RSRP1: variants seen among roughly 807,000 people sequenced by gnomAD.
The protein encoded by RSRP1 is arginine and serine rich protein 1.
In RSRP1, 37 loss-of-function variants were observed where a neutral mutation model predicts 33.0. The ratio of observed to expected loss-of-function variants is 1.12; its 90% confidence interval spans 0.86 to 1.48. The LOEUF is 1.48. RSRP1 is among the 40% of genes most tolerant of loss of function. RSRP1 has a pLI of 0.00. For synonymous variants in RSRP1, 167 were observed against 158.7 expected (o/e 1.05, Z -0.40); for missense variants, 402 against 385.3 (o/e 1.04, Z -0.36).
At chr1:25,262,924 A>C (rs1044991310) in intron 1 of RSRP1, among the ~76,000 whole-genome samples, 2 of 152,198 alleles carry the variant, frequency 1.3e-5, no homozygotes, top group African/African-American at 4.8e-5. Flanking sequence ...ACACACTAAC[A>C]AATAATGCCT....
At chr1:25,316,622 A>C (rs1371213282) in intron 1 of RSRP1, among the ~76,000 whole-genome samples, 1 of 116,650 alleles carries the variant, frequency 8.6e-6, no homozygotes, top group African/African-American at 2.9e-5. Context: ...AAAACAGAAA[A>C]AAAAAAAAAA....
chr1:25,246,946 G>T lies in RSRP1; in HGVS notation c.18C>A (p.Asn6Lys). The change falls in exon 2 of 5, where the codon AAC (asparagine) becomes AAA (lysine). Residue 6 changes from asparagine (N) to lysine (K), a missense_variant. Asn to Lys is a moderately conservative substitution (Grantham distance 94). Coordinates refer to ENST00000243189, the MANE Select transcript of RSRP1 (RefSeq NM_020317.5). Reference protein sequence around the residue: MSNYVNDMWPGSPQEK... With the variant: MSNYVKDMWPGSPQEK... Reference sequence around the variant, plus strand: ...CCTGCGGCGAGCCCGGCCACATGTCGTTCACGTAGTTGGACATCTTCACCT... The same window carrying T: ...CCTGCGGCGAGCCCGGCCACATGTCTTTCACGTAGTTGGACATCTTCACCT... 1.3e-6 allele frequency: 2 copies of T among 1,582,206 alleles called. No homozygotes were observed. The highest frequency in any genetic ancestry group is 1.7e-6 in the Non-Finnish European group (2 of 1,160,670).
rs1388745324 is a variant in RSRP1 at position 25,287,466 on chromosome 1, C to T, written c.-66-40437G>A. 3.7e-5 allele frequency among the ~76,000 whole-genome samples: 5 copies of T among 135,272 alleles called. No homozygotes were observed. In the East Asian group the frequency reaches 9.7e-4, roughly 26 times the overall value. 88.7% of individuals were successfully genotyped at this position (135,272 alleles called of 152,430 possible). On this transcript the variant is annotated intron_variant, in intron 1 of 1. Coordinates refer to the RSRP1 transcript ENST00000561867. Reference sequence around the variant, plus strand: ...GACCCCTGCTGAAACTGGCTCCTTCCTGACCGGTTCCCGTCAGGGCTGTGC... The same window carrying T: ...GACCCCTGCTGAAACTGGCTCCTTCTTGACCGGTTCCCGTCAGGGCTGTGC...
chr1:25,258,255 G>C (rs980685855), intron 1 of RSRP1, among the ~76,000 whole-genome samples: 1 of 152,116 alleles, frequency 6.6e-6, no homozygotes, highest in South Asian at 2.1e-4. Flanking sequence ...ATCTCGGCTC[G>C]CTGCAACATC....
rs1258509781 is a variant in RSRP1 at position 25,331,360 on chromosome 1, A to G, written c.-67+6618T>C. ...TAACTATTATTTCTTTAAAGCACCT[A>G]TTTCCAAATATAGTCACTTTAGGGG... is the stretch of plus-strand genomic sequence containing the variant. On this transcript the variant is annotated intron_variant, in intron 1 of 1. Coordinates refer to the RSRP1 transcript ENST00000561867. Among the ~76,000 whole-genome samples the G allele has an allele frequency of 2.3e-5, 3 of 131,096 alleles. 1 individual carries two copies. In the South Asian group the frequency reaches 6.9e-4, roughly 30 times the overall value. The allele number at this position is 131,096 out of a possible 152,430, so 86.0% of individuals were successfully genotyped here. A position where few individuals can be genotyped will look rare whatever the true frequency, so the allele number is the denominator to read the frequency against.
chr1:25,255,469 G>A (rs984188758), intron 1 of RSRP1, among the ~76,000 whole-genome samples: 3 of 152,098 alleles, frequency 2.0e-5, no homozygotes, highest in Non-Finnish European at 4.4e-5. Flanking sequence ...ATGCAATGAA[G>A]CCATTATTTT....
chr1:25,246,718 C>T lies in RSRP1; in HGVS notation c.246G>A (p.Ser82=). Residue 82 remains serine, a synonymous_variant, in exon 2 of 5, where the codon TCG becomes TCA. Transcript: ENST00000243189. ...RKYRRYSRSY[S]RSRSRSRSRR... ...GGCTGCGGGATCGCGACCGGCTCCG[C>T]GAGTATGACCGCGAGTAGCGCCTGT... 6.2e-7 allele frequency: 1 copy of T among 1,607,348 alleles called. No individual in the cohort carries two copies. Among genetic ancestry groups the T allele is most frequent in the Non-Finnish European group, 8.5e-7 (1 of 1,175,186 alleles).
intron 1 of RSRP1, among the ~76,000 whole-genome samples, chr1:25,281,337 C>T (rs1324018459): frequency 7.7e-6 from 1 of 130,454 alleles, no homozygotes. Context: ...GTCATGAGCG[C>T]CCCTCACAGG....
chr1:25,259,823 A>C (rs1640072777), intron 1 of RSRP1, among the ~76,000 whole-genome samples: 1 of 151,902 alleles, frequency 6.6e-6, no homozygotes, highest in Non-Finnish European at 1.5e-5. Flanking sequence ...CTTTTTGAAT[A>C]CCATTTGGCG....
Position 25,303,392 on chromosome 1 carries a change from C to G in RSRP1, c.-67+34586G>C, listed in dbSNP as rs778406196. 5.1e-6 allele frequency: 7 copies of G among 1,378,616 alleles called. 3 individuals are homozygous for G. The highest frequency in any genetic ancestry group is 3.6e-4 in the Middle Eastern group (2 of 5,504). The allele number at this position is 1,378,616 out of a possible 1,614,324, so 85.4% of individuals were successfully genotyped here. ...ACCTCGTGTCACCTGATCCCTTCTC[C>G]GTGGCTTGCCATGGTGCTGGGTCTT... On this transcript the variant is annotated intron_variant, in intron 1 of 1. Transcript: ENST00000561867.
In RSRP1 at chr1:25,303,415, C is replaced by G. The variant is rs772372065; in HGVS notation, c.-67+34563G>C. 33 of 1,378,996 alleles carry G rather than the reference C, an allele frequency of 2.4e-5. 11 individuals carry two copies. The highest frequency in any genetic ancestry group is 3.2e-5 in the Non-Finnish European group (31 of 978,900). 85.4% of individuals were successfully genotyped at this position (1,378,996 alleles called of 1,614,324 possible). The stretch of plus-strand genomic sequence containing the variant: ...TCCGTGGCTTGCCATGGTGCTGGGT[C>G]TTGTGGCTGGGCTGATCTCCGTCGG... On this transcript the variant is annotated intron_variant, in intron 1 of 1. Coordinates refer to the RSRP1 transcript ENST00000561867.
In RSRP1 at chr1:25,305,374, ATATTTATTTATTTATT is replaced by A. The variant is rs34347122; in HGVS notation, c.-67+32588_-67+32603del. Among the ~76,000 whole-genome samples the A allele has an allele frequency of 1.9e-4, 20 of 106,796 alleles. 3 individuals are homozygous for A. Among genetic ancestry groups the A allele is most frequent in the East Asian group, 4.2e-4 (2 of 4,730 alleles). 70.1% of individuals were successfully genotyped at this position (106,796 alleles called of 152,430 possible). A position where few individuals can be genotyped will look rare whatever the true frequency, so the allele number is the denominator to read the frequency against. ...TTCCTGGGCTAGTTGAGGAGTCTGG[ATATTTATTTATTTATT>A]TATTTATTTATTTATTTATTTATTG... On this transcript the variant is annotated intron_variant, in intron 1 of 1. Coordinates refer to the RSRP1 transcript ENST00000561867.
intron 1 of RSRP1, among the ~76,000 whole-genome samples, chr1:25,333,879 A>G (rs1178901060): frequency 7.7e-6 from 1 of 130,302 alleles, no homozygotes; most frequent in African/African-American, 2.6e-5. Context: ...CAGCACGGGT[A>G]AGACCTGTCC....
intron 1 of RSRP1, among the ~76,000 whole-genome samples, chr1:25,273,091 G>A (rs1389564458): frequency 7.6e-6 from 1 of 131,244 alleles, no homozygotes; most frequent in Non-Finnish European, 1.8e-5. Context: ...GCAATTTCAT[G>A]TTGTTGGGTT....
Position 25,242,664 on chromosome 1 carries a change from G to A in RSRP1, c.798C>T (p.Ala266=), listed in dbSNP as rs1305076131. 1.9e-6 allele frequency: 3 copies of A among 1,611,098 alleles called. No homozygotes were observed. The highest frequency in any genetic ancestry group is 1.7e-5 in the Admixed American group (1 of 59,928). ...AKPIQKSAKA[A]TEEASSRSPK... ...GTGATCTTGAAGATGCCTCTTCTGT[G>A]GCAGCTTTAGCTGATTTTTGTATTG... The change falls in exon 5 of 5, where the codon GCC becomes GCT. Residue 266 remains alanine (A), a synonymous_variant. Transcript: ENST00000243189.
chr1:25,243,906 A>G lies in RSRP1; in HGVS notation c.673-273T>C, dbSNP rs371053522. ...AGTTTTCTCAGGTTGAATCAAGTTC[A>G]CTTTTGAAATGTAAAGCCACATCAG... On this transcript the variant is annotated intron_variant, in intron 3 of 4. Coordinates refer to ENST00000243189, the MANE Select transcript of RSRP1 (RefSeq NM_020317.5). 3.3e-6 allele frequency: 4 copies of G among 1,200,064 alleles called. No homozygotes were observed. The East Asian group carries it at 1.5e-4, about 44-fold the overall frequency. 74.3% of individuals were successfully genotyped at this position (1,200,064 alleles called of 1,614,324 possible). A position where few individuals can be genotyped will look rare whatever the true frequency, so the allele number is the denominator to read the frequency against.
intron 1 of RSRP1, among the ~76,000 whole-genome samples, chr1:25,310,827 G>C (rs1644101874): frequency 7.6e-6 from 1 of 131,992 alleles, no homozygotes; most frequent in Non-Finnish European, 1.8e-5. Flanking sequence ...CAAAAAATTA[G>C]CTGGGCGTGG....
intron 1 of RSRP1, chr1:25,266,565 G>A (rs1316718134): frequency 7.8e-6 from 1 of 127,512 alleles, no homozygotes; most frequent in African/African-American, 2.9e-5. Flanking sequence ...CTAATATCCC[G>A]CCAAAAACAA....
intron 1 of RSRP1, among the ~76,000 whole-genome samples, chr1:25,322,256 GTAGCCAAA>G (rs1196095004): frequency 3.0e-5 from 4 of 132,390 alleles, no homozygotes; most frequent in African/African-American, 1.0e-4. Flanking sequence ...AGTCCTCAGC[GTAGCCAAA>G]TAGTCTGACA....
Sources: gnomAD v4.1 joint callset for allele counts (sites outside exome capture counted in the v4.1 genomes callset) on GRCh38, gnomAD v4.1.1 for gene constraint, MANE v1.5 for transcripts, NCBI Gene and HGNC (gene_info 2026-07-23, HGNC 2026-07-21) for gene names.